The following ANLN variants were observed in gnomAD, a reference collection of about 807,000 sequenced individuals.
The protein encoded by ANLN is anillin, actin binding protein, also known as anillin.
ANLN carries 59 observed loss-of-function variants against 135.1 expected under a neutral mutation model. That is an observed-to-expected ratio of 0.44 (90% CI 0.35 to 0.54). The LOEUF is 0.54. ANLN is among the 20% of genes least tolerant of loss of function. The probability of loss-of-function intolerance (pLI) is 0.00; values close to 1 mark genes in which losing one functional copy is unlikely to be tolerated. For synonymous variants in ANLN, 406 were observed against 456.4 expected, an observed-to-expected ratio of 0.89 and a Z score of 1.41; for missense variants, 1,182 against 1,340.0, an observed-to-expected ratio of 0.88 and a Z score of 1.84.
At chr7:36,421,482 T>G (rs1488141354) in intron 12 of ANLN, among the ~76,000 whole-genome samples, 2 of 152,112 alleles carry the variant, frequency 1.3e-5, no homozygotes, top group Non-Finnish European at 2.9e-5. Context: ...ACTCCCAAAG[T>G]GCTGGGATTA....
At position 36,399,116 on chromosome 7, in the gene ANLN, C is replaced by T. The variant is rs1322904689; in HGVS notation, c.210C>T (p.Arg70=). 8 of 1,612,146 alleles carry T rather than the reference C, an allele frequency of 5.0e-6. No homozygotes were observed. The highest frequency in any genetic ancestry group is 6.8e-6 in the Non-Finnish European group (8 of 1,178,916). The change falls in exon 3 of 24, where the codon CGC becomes CGT. Residue 70 remains arginine, a synonymous_variant. Coordinates refer to ENST00000265748, the MANE Select transcript of ANLN (RefSeq NM_018685.5). Reference sequence around the variant, plus strand: ...CAAAACCATCGCCATCAAAAAAACGCTGTTCTGACAACACTGAAGTAGAAG... The same window carrying T: ...CAAAACCATCGCCATCAAAAAAACGTTGTTCTGACAACACTGAAGTAGAAG... ...SCTKPSPSKK[R]CSDNTEVEVS...
rs781505116 is a variant in ANLN at position 36,410,510 on chromosome 7, G to A, written c.1097-4G>A. 5 of 1,587,030 alleles carry A rather than the reference G, an allele frequency of 3.2e-6. No individual in the cohort carries two copies. In the South Asian group the frequency reaches 3.5e-5, roughly 11 times the overall value. On this transcript the variant is annotated splice_polypyrimidine_tract_variant and splice_region_variant and intron_variant, in intron 5 of 23. Transcript: ENST00000265748. ...GCCTCCAAAAATGTGTGTGTTTTCT[G>A]TAGGAGGAACAGGAATTAAGCCTTT...
At chr7:36,407,348 C>T (rs544568770) in intron 4 of ANLN, among the ~76,000 whole-genome samples, 9 of 152,200 alleles carry the variant, frequency 5.9e-5, no homozygotes, top group Non-Finnish European at 1.2e-4. Context: ...CTATGAAGTA[C>T]ATGATACTAT....
At position 36,453,211 on chromosome 7, in the gene ANLN, T is replaced by C. The variant is rs898929168; in HGVS notation, c.*611T>C. 9 of 152,236 alleles carry C rather than the reference T, an allele frequency of 5.9e-5. No homozygotes were observed. Among genetic ancestry groups the C allele is most frequent in the African/African-American group, 1.9e-4 (8 of 41,458 alleles). 9.4% of individuals were successfully genotyped at this position (152,236 alleles called of 1,614,324 possible). A position where few individuals can be genotyped will look rare whatever the true frequency, so the allele number is the denominator to read the frequency against. On this transcript the variant is annotated 3_prime_UTR_variant, in exon 24 of 24. Transcript: ENST00000265748. ...TGAGACTTGGGGGTTCAATATTTTA[T>C]ATAGAAGAGTTAATAAGCACATGGT...
rs1347983319 is a variant in ANLN, at chr7:36,420,196, T to C, written c.1897T>C (p.Leu633=). The C allele has an allele frequency of 6.2e-7, 1 of 1,613,858 alleles. No homozygotes were observed. Among genetic ancestry groups the C allele is most frequent in the Non-Finnish European group, 8.5e-7 (1 of 1,179,942 alleles). ...TTTAGTGTCCACACCTAGACTGGAATTGAAAGACACCAGCAGAAGTGATGA... is the reference window on the plus strand; with the variant it reads ...TTTAGTGTCCACACCTAGACTGGAACTGAAAGACACCAGCAGAAGTGATGA... The part of the protein sequence containing the change: ...ESLVSTPRLE[L]KDTSRSDESP... Residue 633 remains leucine, a synonymous_variant, in exon 11 of 24, where the codon TTG becomes CTG. Transcript: ENST00000265748.
intron 9 of ANLN, among the ~76,000 whole-genome samples, chr7:36,417,778 A>G (rs1787708338): frequency 6.6e-6 from 1 of 150,838 alleles, no homozygotes; most frequent in South Asian, 2.1e-4. Flanking sequence ...CCCAGGTTCA[A>G]GCGATTCTTC....
intron 1 of ANLN, among the ~76,000 whole-genome samples, chr7:36,393,032 G>T (rs1041401409): frequency 2.8e-5 from 4 of 144,982 alleles, no homozygotes; most frequent in Admixed American, 6.9e-5. Flanking sequence ...TTCTTTTTTC[G>T]TTTTTTTTTT....
At chr7:36,405,235 A>G (rs1787139002) in intron 3 of ANLN, among the ~76,000 whole-genome samples, 1 of 152,244 alleles carries the variant, frequency 6.6e-6, no homozygotes, top group Non-Finnish European at 1.5e-5. Context: ...TCCTAACTAT[A>G]TAGTAGGCTA....
At chr7:36,426,309 T>C (rs1203146967) in intron 19 of ANLN, among the ~76,000 whole-genome samples, 1 of 151,650 alleles carries the variant, frequency 6.6e-6, no homozygotes. Flanking sequence ...TCAACTTCTA[T>C]TGTTCTATAG....
At chr7:36,390,265 G>C in intron 1 of ANLN, 1 of 682,354 alleles carries the variant, frequency 1.5e-6, no homozygotes, top group African/African-American at 1.8e-5. Flanking sequence ...ACTCAGGGAG[G>C]AAGGCTTTGA....
In ANLN at chr7:36,449,778, A is replaced by C; in HGVS notation, c.3192A>C (p.Gln1064His). The change falls in exon 23 of 24, where the codon CAA becomes CAC. Residue 1064 changes from glutamine to histidine, a missense_variant. By Grantham distance (24) the Gln-to-His change is conservative (BLOSUM62 0). This residue lies in a region of ANLN where 78 missense variants were observed against 72.7 expected (regional missense o/e 1.07). Transcript: ENST00000265748. ...NTFELITVRP[Q>H]REDDRETLVS... ...TTGAATTAATTACTGTCCGACCACAAAGAGAAGATGACCGAGAGACTCTTG... is the reference window on the plus strand; with the variant it reads ...TTGAATTAATTACTGTCCGACCACACAGAGAAGATGACCGAGAGACTCTTG... 2 of 1,614,122 alleles carry C rather than the reference A, an allele frequency of 1.2e-6. No individual in the cohort carries two copies. Among genetic ancestry groups the C allele is most frequent in the Non-Finnish European group, 1.7e-6 (2 of 1,179,992 alleles).
chr7:36,419,114 T>G (rs1003179941), intron 9 of ANLN, 130 bp from the exon 10 acceptor site: 1 of 613,902 alleles, frequency 1.6e-6, no homozygotes, highest in African/African-American at 1.9e-5. Context: ...TTATTTTTCT[T>G]TTTAGGAGGT....
At chr7:36,394,627 C>A (rs1786620740) in intron 1 of ANLN, among the ~76,000 whole-genome samples, 1 of 144,464 alleles carries the variant, frequency 6.9e-6, no homozygotes, top group Admixed American at 6.7e-5. Flanking sequence ...AATTAGAAAT[C>A]ATTCTTAAGA....
chr7:36,408,294 G>A (rs1773635426), intron 5 of ANLN, among the ~76,000 whole-genome samples: 1 of 152,068 alleles, frequency 6.6e-6, no homozygotes, highest in Non-Finnish European at 1.5e-5. Context: ...AAACATTCTT[G>A]TAGCCAAGTG....
chr7:36,390,519 C>G (rs1331503923), intron 1 of ANLN: 1 of 164,136 alleles, frequency 6.1e-6, no homozygotes, highest in Admixed American at 6.2e-5. Flanking sequence ...AATGAAATGA[C>G]AGCAAAACGT....
In ANLN at chr7:36,411,122, G is replaced by A. The variant is rs778007615; in HGVS notation, c.1351G>A (p.Glu451Lys). The change falls in exon 7 of 24, where the codon GAA becomes AAA. Residue 451 changes from glutamate to lysine, a missense_variant. Coordinates refer to ENST00000265748, the MANE Select transcript of ANLN (RefSeq NM_018685.5). ...RFDKGNIWSA[E>K]KGGNSKSKQL... Reference sequence around the variant, plus strand: ...TGACAAGGGCAATATATGGAGTGCAGAAAAAGGCGGAAACTCAAAAAGCAA... The same window carrying A: ...TGACAAGGGCAATATATGGAGTGCAAAAAAAGGCGGAAACTCAAAAAGCAA... 5 of 1,609,370 alleles carry A rather than the reference G, an allele frequency of 3.1e-6. No homozygotes were observed. Among genetic ancestry groups the A allele is most frequent in the Non-Finnish European group, 4.2e-6 (5 of 1,179,042 alleles).
chr7:36,420,019 G>A (rs1787808246), intron 10 of ANLN, 150 bp from the exon 11 acceptor site: 4 of 728,384 alleles, frequency 5.5e-6, no homozygotes, highest in Non-Finnish European at 8.6e-6. Flanking sequence ...TCTTTTATGT[G>A]TTAGGAACTT....
At chr7:36,416,371 T>C (rs1180673007) in intron 8 of ANLN, among the ~76,000 whole-genome samples, 1 of 152,224 alleles carries the variant, frequency 6.6e-6, no homozygotes. Context: ...ATAATTTTAC[T>C]CCTTTTCTAA....
Position 36,407,895 on chromosome 7 carries a change from G to A in ANLN, c.1035G>A (p.Lys345=), listed in dbSNP as rs1192453020. ...CTTTATCCCAGACAGTTCCATCCAA[G>A]GGAGAATTAAGTAGAGAAATTTGTC... ...KSTLSQTVPS[K]GELSREICLQ... is the part of the protein sequence containing the mutation. Residue 345 remains lysine, a synonymous_variant, in exon 5 of 24, where the codon AAG becomes AAA. Transcript: ENST00000265748. 1 of 1,613,826 alleles carries A rather than the reference G, an allele frequency of 6.2e-7. No individual in the cohort carries two copies.
Sources: allele counts gnomAD v4.1 joint callset (sites outside exome capture counted in the v4.1 genomes callset), GRCh38; gene constraint gnomAD v4.1.1; regional missense constraint gnomAD v4.1.1; transcripts MANE v1.5; gene names NCBI Gene and HGNC (gene_info 2026-07-23, HGNC 2026-07-21).